The following ANGPT4 variants were observed in gnomAD, a reference collection of about 807,000 sequenced individuals.
ANGPT4 encodes the protein angiopoietin-4.
In ANGPT4, 50 loss-of-function variants were observed where a neutral mutation model predicts 53.0. The observed-to-expected ratio is 0.94, with a 90% CI of 0.75 to 1.20. The LOEUF (loss-of-function observed/expected upper bound fraction) is 1.20, where lower values mean the gene tolerates loss of function less well. Among genes scored for constraint, ANGPT4 ranks in the 50% most tolerant of loss-of-function variants. The probability of loss-of-function intolerance (pLI) is 0.00; values close to 1 mark genes in which losing one functional copy is unlikely to be tolerated. For synonymous variants in ANGPT4, 251 were observed against 259.7 expected (o/e 0.97, Z 0.32); for missense variants, 648 against 637.1 (o/e 1.02, Z -0.18).
chr20:911,692 G>A lies in ANGPT4; in HGVS notation c.309+4214C>T, dbSNP rs1032882296. Among the ~76,000 whole-genome samples, 2 of 152,086 alleles carry A rather than the reference G, an allele frequency of 1.3e-5. No individual in the cohort carries two copies. Among genetic ancestry groups the A allele is most frequent in the South Asian group, 2.1e-4 (1 of 4,816 alleles). The stretch of plus-strand genomic sequence containing the variant: ...AGGCTGACCACAGTGGCTCGTGTCC[G>A]CCGTCCCAGCTACTTGGAAGACTGA... On this transcript the variant is annotated intron_variant, in intron 1 of 8. Transcript: ENST00000381922. This position sits in a 1 kb window ranked among gnomAD's most constrained non-coding sequence, Gnocchi z 4.9.
Position 916,122 on chromosome 20 carries a change from C to A in ANGPT4, c.93G>T (p.Arg31Ser), listed in dbSNP as rs763353908. The change falls in exon 1 of 9, where the codon AGG becomes AGT. Residue 31 changes from arginine (R) to serine (S), a missense_variant. By Grantham distance (110) the Arg-to-Ser change is moderately radical. Transcript: ENST00000381922. ...VAQQTRQEAD[R>S]GCETLVVQHG... ...GCTGGACTACAAGTGTCTCGCAGCC[C>A]CTATCCGCCTCCTGCCTTGTCTGTT... 2 of 1,614,192 alleles carry A rather than the reference C, an allele frequency of 1.2e-6. No homozygotes were observed. Among genetic ancestry groups the A allele is most frequent in the African/African-American group, 1.3e-5 (1 of 75,058 alleles).
intron 4 of ANGPT4, among the ~76,000 whole-genome samples, chr20:882,767 A>G (rs576029003): frequency 1.3e-5 from 2 of 152,362 alleles, no homozygotes; most frequent in East Asian, 3.9e-4. Context: ...GGCTCTGCTC[A>G]CTGTTATTTT....
intron 1 of ANGPT4, among the ~76,000 whole-genome samples, chr20:900,373 G>C (rs181716968): frequency 1.3e-4 from 20 of 152,240 alleles, no homozygotes; most frequent in Middle Eastern, 3.4e-3. Context: ...ACCCTAGCTG[G>C]ATCCCTAGGA....
Position 914,397 on chromosome 20 carries a change from G to C in ANGPT4, c.309+1509C>G, listed in dbSNP as rs984619528. On this transcript the variant is annotated intron_variant, in intron 1 of 8. Coordinates refer to ENST00000381922, the MANE Select transcript of ANGPT4 (RefSeq NM_015985.4). The surrounding 1 kb of genome is among the most constrained non-coding windows in gnomAD (Gnocchi z 5.0). Reference sequence around the variant, plus strand: ...TAGGAGGCTGGGGTAAGCAAAGTGGGAGTCTGGGAGAGGGAACTCCAGGGA... The same window carrying C: ...TAGGAGGCTGGGGTAAGCAAAGTGGCAGTCTGGGAGAGGGAACTCCAGGGA... Among the ~76,000 whole-genome samples the C allele has an allele frequency of 6.6e-6, 1 of 152,148 alleles. No homozygotes were observed. Among genetic ancestry groups the C allele is most frequent in the African/African-American group, 2.4e-5 (1 of 41,414 alleles).
intron 1 of ANGPT4, among the ~76,000 whole-genome samples, chr20:907,996 C>T (rs980143103): frequency 1.1e-4 from 16 of 152,162 alleles, no homozygotes; most frequent in African/African-American, 3.9e-4. Flanking sequence ...TTACTCACAG[C>T]TGGTAAAGGA....
At chr20:874,765 T>C (rs1600038529) in intron 7 of ANGPT4, among the ~76,000 whole-genome samples, 2 of 152,296 alleles carry the variant, frequency 1.3e-5, no homozygotes, top group South Asian at 4.1e-4. Context: ...CAGGCTGGAG[T>C]GCAGTGGCAC....
chr20:871,850 G>A lies in ANGPT4; in HGVS notation c.*1110C>T, dbSNP rs971728556. On this transcript the variant is annotated 3_prime_UTR_variant, in exon 9 of 9. Coordinates refer to ENST00000381922, the MANE Select transcript of ANGPT4 (RefSeq NM_015985.4). Reference sequence around the variant, plus strand: ...GGACCTAGTTCTAGACCCTTCTTCAGGGATGGTATCTGTTTTAACTGAAAG... The same window carrying A: ...GGACCTAGTTCTAGACCCTTCTTCAAGGATGGTATCTGTTTTAACTGAAAG... 5 of 152,220 alleles carry A rather than the reference G, an allele frequency of 3.3e-5. No homozygotes were observed. Among genetic ancestry groups the A allele is most frequent in the African/African-American group, 1.2e-4 (5 of 41,454 alleles). 9.4% of individuals were successfully genotyped at this position (152,220 alleles called of 1,614,324 possible).
intron 1 of ANGPT4, among the ~76,000 whole-genome samples, chr20:900,308 C>G (rs1982238388): frequency 6.6e-6 from 1 of 152,164 alleles, no homozygotes. Context: ...AAAATTGAAC[C>G]TCCTCCTCTA....
intron 2 of ANGPT4, 38 bp from the exon 3 acceptor site, chr20:888,477 A>G: frequency 6.3e-7 from 1 of 1,593,810 alleles, no homozygotes. Context: ...GGGCTGCGTA[A>G]GCGCTACAGG....
Position 911,843 on chromosome 20 carries a change from GGACAGAGAGAGGGAGAGAGA to G in ANGPT4, c.309+4043_309+4062del, listed in dbSNP as rs199685405. On this transcript the variant is annotated intron_variant, in intron 1 of 8. Transcript: ENST00000381922. The surrounding 1 kb of genome is among the most constrained non-coding windows in gnomAD (Gnocchi z 4.9). ...GAGAGAGACAGAGAGAGGGAGAGAG[GGACAGAGAGAGGGAGAGAGA>G]GACAGAGAGAGGGAGAAAGAGACAG... 0.3 allele frequency among the ~76,000 whole-genome samples: 45,836 copies of G among 150,828 alleles called. 7,180 individuals carry two copies. Among genetic ancestry groups the G allele is most frequent in the Non-Finnish European group, 0.36 (24,306 of 67,638 alleles).
chr20:878,790 A>T (rs1453755047), intron 6 of ANGPT4, among the ~76,000 whole-genome samples: 5 of 152,228 alleles, frequency 3.3e-5, no homozygotes, highest in Non-Finnish European at 1.5e-5. Context: ...ATTAAATAAA[A>T]TATTTCAATC....
rs74418430 is a variant in ANGPT4, at chr20:870,890, C to T, written c.*2070G>A. On this transcript the variant is annotated 3_prime_UTR_variant, in exon 9 of 9. Coordinates refer to ENST00000381922, the MANE Select transcript of ANGPT4 (RefSeq NM_015985.4). ...CTATTAAGAAGATGACATACATGGT[C>T]TCATTTCCTCCTTGCCATAGCCCAG... 1.7e-4 allele frequency: 26 copies of T among 152,334 alleles called. No individual in the cohort carries two copies. In the East Asian group the frequency reaches 5.0e-3, roughly 29 times the overall value. 9.4% of individuals were successfully genotyped at this position (152,334 alleles called of 1,614,324 possible).
chr20:873,033 C>T lies in ANGPT4; in HGVS notation c.1439G>A (p.Arg480His), dbSNP rs1242969144. The T allele has an allele frequency of 6.2e-6, 10 of 1,614,084 alleles. No individual in the cohort carries two copies. Among genetic ancestry groups the T allele is most frequent in the East Asian group, 2.2e-5 (1 of 44,884 alleles). ...GCTGGGGCCCTTGAAGTAGTGCCAG[C>T]GGATGCCGTCCATCTTGTACTTGTT... is the stretch of plus-strand genomic sequence containing the variant. ...PDNKYKMDGI[R>H]WHYFKGPSYS... Residue 480 changes from arginine (R) to histidine (H), a missense_variant, in exon 9 of 9, where the codon CGC becomes CAC. Transcript: ENST00000381922.
rs896253089 is a variant in ANGPT4, at chr20:908,346, C to A, written c.309+7560G>T. Among the ~76,000 whole-genome samples, 31 of 152,170 alleles carry A rather than the reference C, an allele frequency of 2.0e-4. No individual in the cohort carries two copies. Among genetic ancestry groups the A allele is most frequent in the African/African-American group, 7.5e-4 (31 of 41,416 alleles). On this transcript the variant is annotated intron_variant, in intron 1 of 8. Coordinates refer to ENST00000381922, the MANE Select transcript of ANGPT4 (RefSeq NM_015985.4). This position sits in a 1 kb window ranked among gnomAD's most constrained non-coding sequence, Gnocchi z 4.9. Reference sequence around the variant, plus strand: ...CACTGAATGCCTTTTGCTTTTGGCCCATTCTACCCCCAGGGCCTTTGCACT... The same window carrying A: ...CACTGAATGCCTTTTGCTTTTGGCCAATTCTACCCCCAGGGCCTTTGCACT...
rs976949404 is a variant in ANGPT4, at chr20:871,244, G to A, written c.*1716C>T. 5 of 152,204 alleles carry A rather than the reference G, an allele frequency of 3.3e-5. No homozygotes were observed. Among genetic ancestry groups the A allele is most frequent in the Non-Finnish European group, 5.9e-5 (4 of 68,062 alleles). 9.4% of individuals were successfully genotyped at this position (152,204 alleles called of 1,614,324 possible). A position where few individuals can be genotyped will look rare whatever the true frequency, so the allele number is the denominator to read the frequency against. On this transcript the variant is annotated 3_prime_UTR_variant, in exon 9 of 9. Transcript: ENST00000381922. ...GGGAAGAGTGCTAATTCCCAGGAAT[G>A]AGATCAAAGTCAGTCTGTGCTGGGT...
intron 5 of ANGPT4, among the ~76,000 whole-genome samples, chr20:880,114 C>G (rs1981342330): frequency 1.3e-5 from 2 of 152,208 alleles, no homozygotes; most frequent in South Asian, 2.1e-4. Flanking sequence ...GCCTCAGTCT[C>G]TCATCTACCA....
At chr20:889,120 C>A (rs1232971570) in intron 2 of ANGPT4, among the ~76,000 whole-genome samples, 4 of 152,166 alleles carry the variant, frequency 2.6e-5, no homozygotes, top group African/African-American at 7.2e-5. Context: ...TGGCTGCAGC[C>A]CTACCTTCTC....
At chr20:874,245 C>T (rs1981067005) in intron 8 of ANGPT4, 39 bp downstream of exon 8, 1 of 1,610,764 alleles carries the variant, frequency 6.2e-7, no homozygotes, top group South Asian at 1.1e-5. Context: ...TCTGGGTGAG[C>T]CTGTGGGTGG....
intron 4 of ANGPT4, among the ~76,000 whole-genome samples, chr20:883,057 C>T (rs1014078965): frequency 2.0e-5 from 3 of 152,354 alleles, no homozygotes; most frequent in African/African-American, 7.2e-5. Flanking sequence ...TATGCATGAA[C>T]TCATCCGATT....
Sources: allele counts gnomAD v4.1 joint callset (sites outside exome capture counted in the v4.1 genomes callset), GRCh38; gene constraint gnomAD v4.1.1; non-coding constraint Gnocchi (gnomAD v3.1); transcripts MANE v1.5; gene names NCBI Gene and HGNC (gene_info 2026-07-23, HGNC 2026-07-21).